The following UNC79 variants were observed in gnomAD, a reference collection of about 807,000 sequenced individuals.
UNC79 encodes the protein protein unc-79 homolog.
A neutral mutation model predicts 283.1 loss-of-function variants in UNC79; 37 were observed. The observed-to-expected ratio is 0.13, with a 90% CI of 0.10 to 0.17. The LOEUF is 0.17. UNC79 is among the 10% of genes least tolerant of loss of function. UNC79 has a pLI of 1.00. For missense variants in UNC79, 2,272 were observed against 3,211.1 expected (o/e 0.71, Z 7.07); for synonymous variants, 1,107 against 1,200.2 (o/e 0.92, Z 1.61).
intron 42 of UNC79, among the ~76,000 whole-genome samples, chr14:93,686,231 C>A (rs1351871623): frequency 1.3e-5 from 2 of 152,188 alleles, no homozygotes; most frequent in Non-Finnish European, 2.9e-5. Flanking sequence ...CCTAAAGACT[C>A]TGATGCTAAT....
chr14:93,511,275 C>A (rs2140861334), intron 7 of UNC79, among the ~76,000 whole-genome samples: 1 of 152,210 alleles, frequency 6.6e-6, no homozygotes, highest in Non-Finnish European at 1.5e-5. Flanking sequence ...GGAAACAAAT[C>A]CAAGCCATAT....
In UNC79 at chr14:93,430,932, G is replaced by C. The variant is rs544109894; in HGVS notation, c.-98G>C. The C allele has an allele frequency of 2.7e-3, 1,145 of 427,032 alleles. 2 individuals are homozygous for C. The highest frequency in any genetic ancestry group is 4.5e-3 in the Non-Finnish European group (981 of 216,928). The allele number at this position is 427,032 out of a possible 1,614,324, so 26.5% of individuals were successfully genotyped here. A position where few individuals can be genotyped will look rare whatever the true frequency, so the allele number is the denominator to read the frequency against. ...GGGGGAAAGCGAGGGGGTGGGGGGT[G>C]GGGGGTATGCACTCTTTTCCTCGCA... On this transcript the variant is annotated 5_prime_UTR_variant, in exon 1 of 49. Coordinates refer to ENST00000555664, the Ensembl canonical transcript of UNC79. This position sits in a 1 kb window ranked among gnomAD's most constrained non-coding sequence, Gnocchi z 4.6.
At chr14:93,622,241 G>C in exon 30 of UNC79, 2 of 1,613,702 alleles carry the variant, frequency 1.2e-6, no homozygotes, top group Non-Finnish European at 1.7e-6. Context: ...TTCTCCCTCC[G>C]TCCCCAGCCA....
chr14:93,631,831 C>T (rs971888253), intron 31 of UNC79, among the ~76,000 whole-genome samples: 2 of 152,206 alleles, frequency 1.3e-5, no homozygotes, highest in African/African-American at 2.4e-5. Context: ...GGATGCCAGA[C>T]ACTGTGCTTG....
At chr14:93,681,923 T>C (rs189950216) in intron 41 of UNC79, among the ~76,000 whole-genome samples, 2 of 152,354 alleles carry the variant, frequency 1.3e-5, no homozygotes, top group East Asian at 3.9e-4. Context: ...TTGTAAACTC[T>C]CACTGAGCCC....
chr14:93,553,325 G>A (rs1258283930), intron 14 of UNC79, among the ~76,000 whole-genome samples: 1 of 152,126 alleles, frequency 6.6e-6, no homozygotes, highest in Non-Finnish European at 1.5e-5. Flanking sequence ...GTCATAAACA[G>A]ATTATTTCAA....
intron 1 of UNC79, among the ~76,000 whole-genome samples, chr14:93,409,329 G>A (rs193167885): frequency 1.3e-5 from 2 of 152,010 alleles, no homozygotes; most frequent in Non-Finnish European, 2.9e-5. Context: ...AAATTATAAG[G>A]TACTTATAAA....
chr14:93,467,504 T>C (rs1413770638), intron 1 of UNC79, among the ~76,000 whole-genome samples, 167 bp from the exon 2 acceptor site: 1 of 151,530 alleles, frequency 6.6e-6, no homozygotes, highest in Non-Finnish European at 1.5e-5. Context: ...ATCATGGAAT[T>C]CTATTAAAAA....
At chr14:93,410,506 C>G (rs1180866982) in intron 1 of UNC79, among the ~76,000 whole-genome samples, 1 of 152,194 alleles carries the variant, frequency 6.6e-6, no homozygotes, top group Non-Finnish European at 1.5e-5. Context: ...TGTGCCACCC[C>G]TCCCACAACC....
chr14:93,612,830 A>G (rs763997768), exon 27 of UNC79: 16 of 1,613,972 alleles, frequency 9.9e-6, no homozygotes, highest in Admixed American at 3.3e-5. Flanking sequence ...AACACCATCA[A>G]GGACCTGCTC....
rs2062818541 is a variant in UNC79, at chr14:93,565,444, G to A, written c.1756-6450G>A. ...CTTCCATTCTAAGCTAAATCCTCTG[G>A]TTTGGGTGAGGGTAACTAAAGGGTC... On this transcript the variant is annotated intron_variant, in intron 14 of 48. Coordinates refer to ENST00000555664, the Ensembl canonical transcript of UNC79. Among the ~76,000 whole-genome samples the A allele has an allele frequency of 2.0e-5, 3 of 152,166 alleles. No homozygotes were observed. In the South Asian group the frequency reaches 6.2e-4, roughly 32 times the overall value.
At chr14:93,545,990 T>C (rs1326875907) in intron 14 of UNC79, among the ~76,000 whole-genome samples, 1 of 152,168 alleles carries the variant, frequency 6.6e-6, no homozygotes, top group Non-Finnish European at 1.5e-5. Flanking sequence ...TGTCCTCTTA[T>C]GCTGAGTTGA....
At chr14:93,563,735 A>T (rs2062704230) in intron 14 of UNC79, among the ~76,000 whole-genome samples, 1 of 152,154 alleles carries the variant, frequency 6.6e-6, no homozygotes, top group Non-Finnish European at 1.5e-5. Flanking sequence ...GGTGAATGTC[A>T]GGTAGATCAG....
chr14:93,448,080 C>T (rs1385604149), intron 1 of UNC79, among the ~76,000 whole-genome samples: 6 of 151,964 alleles, frequency 3.9e-5, no homozygotes, highest in Admixed American at 1.3e-4. Context: ...TTCTCAGCCC[C>T]GTTCTTTTTG....
intron 1 of UNC79, among the ~76,000 whole-genome samples, chr14:93,377,603 C>T (rs1408356008): frequency 1.3e-5 from 2 of 152,100 alleles, no homozygotes; most frequent in African/African-American, 4.8e-5. Context: ...TAAAGGAGCA[C>T]AACTCTCAAT....
At chr14:93,565,212 C>T (rs2062803670) in intron 14 of UNC79, among the ~76,000 whole-genome samples, 1 of 152,170 alleles carries the variant, frequency 6.6e-6, no homozygotes, top group Admixed American at 6.6e-5. Flanking sequence ...ACGTAGTCAC[C>T]TAAGTTTCTT....
At chr14:93,448,961 T>C (rs1485978550) in intron 1 of UNC79, among the ~76,000 whole-genome samples, 1 of 152,198 alleles carries the variant, frequency 6.6e-6, no homozygotes, top group Non-Finnish European at 1.5e-5. Context: ...TTGCTTTGAC[T>C]CCTGTTTTCA....
At chr14:93,643,140 C>T (rs182206147) in intron 33 of UNC79, among the ~76,000 whole-genome samples, 20 of 152,300 alleles carry the variant, frequency 1.3e-4, no homozygotes, top group Admixed American at 1.1e-3. Context: ...AGCCTCCATC[C>T]GTGCCTAAGC....
intron 28 of UNC79, 78 bp from the exon 30 acceptor site, chr14:93,618,114 G>T: frequency 1.4e-6 from 2 of 1,479,694 alleles, no homozygotes; most frequent in Non-Finnish European, 1.8e-6. Flanking sequence ...ACTGCAAAAA[G>T]TATCCAGCAA....
Sources: gnomAD v4.1 joint callset for allele counts (sites outside exome capture counted in the v4.1 genomes callset) on GRCh38, gnomAD v4.1.1 for gene constraint, Gnocchi (gnomAD v3.1) non-coding constraint, MANE v1.5 for transcripts, NCBI Gene and HGNC (gene_info 2026-07-23, HGNC 2026-07-21) for gene names.